Variants in OR2L13 observed in about 807,000 individuals in gnomAD.
OR2L13 encodes the protein olfactory receptor family 2 subfamily L member 13.
A neutral mutation model predicts 15.3 loss-of-function variants in OR2L13; 14 were observed. That is an observed-to-expected ratio of 0.91 (90% CI 0.60 to 1.43). OR2L13 has a LOEUF of 1.43. Ranked by LOEUF, OR2L13 falls within the 40% of genes most tolerant of loss-of-function variation. The probability of loss-of-function intolerance (pLI) is 0.00; values close to 1 mark genes in which losing one functional copy is unlikely to be tolerated. For missense variants in OR2L13, 367 were observed against 387.9 expected, an observed-to-expected ratio of 0.95 and a Z score of 0.45; for synonymous variants, 152 against 142.9, an observed-to-expected ratio of 1.06 and a Z score of -0.45.
At chr1:248,060,475 G>A in the OR2L13 span, among the ~76,000 whole-genome samples, 1 of 152,104 alleles carries the variant, frequency 6.6e-6, no homozygotes, top group Admixed American at 6.5e-5. Context: ...AGTTACTCTT[G>A]TTTATCTCTT....
intron 1 of OR2L13, among the ~76,000 whole-genome samples, 187 bp from the exon 2 acceptor site, chr1:248,098,464 G>T (rs990494498): frequency 3.9e-5 from 6 of 152,116 alleles, no homozygotes; most frequent in African/African-American, 1.4e-4. Context: ...CACCTGTCAT[G>T]TTCCCAACTT....
At chr1:248,056,080 G>A in the OR2L13 span, among the ~76,000 whole-genome samples, 2 of 152,174 alleles carry the variant, frequency 1.3e-5, no homozygotes, top group Admixed American at 1.3e-4. Flanking sequence ...AGTATTCTCT[G>A]TTGGTTGTTT....
the OR2L13 span, among the ~76,000 whole-genome samples, chr1:248,052,407 T>G: frequency 0.032 from 4,869 of 152,258 alleles, 237 homozygotes; most frequent in African/African-American, 0.11. Flanking sequence ...TTGTTTTGAT[T>G]ACTATAGCTT....
chr1:247,965,428 T>A, the OR2L13 span: 4 of 1,613,522 alleles, frequency 2.5e-6, no homozygotes, highest in African/African-American at 2.7e-5. Flanking sequence ...TGTTGGTCTT[T>A]TCCAATATGG....
the OR2L13 span, chr1:248,038,837 C>T: frequency 1.4e-5 from 23 of 1,614,162 alleles, no homozygotes; most frequent in East Asian, 3.1e-4. Flanking sequence ...CCTGCACAGA[C>T]ACTTGGGTCT....
At chr1:247,977,300 C>T in the OR2L13 span, among the ~76,000 whole-genome samples, 1 of 152,176 alleles carries the variant, frequency 6.6e-6, no homozygotes, top group Admixed American at 6.6e-5. Context: ...AGTTTTGTGT[C>T]TCAGTGTGAA....
the OR2L13 span, among the ~76,000 whole-genome samples, chr1:248,071,050 A>G: frequency 6.6e-6 from 1 of 152,136 alleles, no homozygotes; most frequent in Non-Finnish European, 1.5e-5. Flanking sequence ...CAGAGGTACA[A>G]GGAGGAACTG....
chr1:247,979,278 A>G, the OR2L13 span, among the ~76,000 whole-genome samples: 1 of 152,100 alleles, frequency 6.6e-6, no homozygotes, highest in South Asian at 2.1e-4. Context: ...TGTCATTTAC[A>G]TTAGGTATTT....
the OR2L13 span, among the ~76,000 whole-genome samples, chr1:247,989,805 A>T: frequency 6.6e-6 from 1 of 152,156 alleles, no homozygotes; most frequent in Non-Finnish European, 1.5e-5. Flanking sequence ...TTGCATGGAA[A>T]ATTCCACAAA....
the OR2L13 span, among the ~76,000 whole-genome samples, chr1:248,018,148 A>G: frequency 6.8e-6 from 1 of 146,932 alleles, no homozygotes; most frequent in Non-Finnish European, 1.5e-5. Context: ...GAGCGACTCC[A>G]TCTCAAAAAA....
chr1:248,071,422 A>T, the OR2L13 span, among the ~76,000 whole-genome samples: 1 of 152,188 alleles, frequency 6.6e-6, no homozygotes, highest in Non-Finnish European at 1.5e-5. Context: ...GACAAAATTC[A>T]ACAACTCTTC....
At chr1:248,053,491 A>C in the OR2L13 span, among the ~76,000 whole-genome samples, 1 of 152,230 alleles carries the variant, frequency 6.6e-6, no homozygotes, top group African/African-American at 2.4e-5. Context: ...TGCCGGATCA[A>C]ATGGTATTTC....
At chr1:248,036,693 G>A in the OR2L13 span, among the ~76,000 whole-genome samples, 9 of 152,240 alleles carry the variant, frequency 5.9e-5, 1 homozygote, top group South Asian at 1.9e-3. Flanking sequence ...GTCCAGTGAT[G>A]TCTTCTATCT....
At chr1:248,044,818 A>AC in the OR2L13 span, among the ~76,000 whole-genome samples, 1 of 147,958 alleles carries the variant, frequency 6.8e-6, no homozygotes, top group Non-Finnish European at 1.5e-5. Flanking sequence ...TCAAAAAAAA[A>AC]AAAAAAAAAA....
At chr1:248,033,951 C>A in the OR2L13 span, among the ~76,000 whole-genome samples, 1 of 152,116 alleles carries the variant, frequency 6.6e-6, no homozygotes, top group African/African-American at 2.4e-5. Flanking sequence ...TCCCTCTTTG[C>A]TTATAATATG....
the OR2L13 span, among the ~76,000 whole-genome samples, chr1:248,011,929 G>A: frequency 1.3e-5 from 2 of 152,084 alleles, no homozygotes; most frequent in Non-Finnish European, 2.9e-5. Context: ...CCTGAGTCTT[G>A]TATCTTTGGG....
At chr1:248,038,348 C>A in the OR2L13 span, 1 of 1,613,242 alleles carries the variant, frequency 6.2e-7, no homozygotes, top group Non-Finnish European at 8.5e-7. Flanking sequence ...TTTTCGTATT[C>A]ACCCTCATTT....
At chr1:248,065,525 C>T in the OR2L13 span, among the ~76,000 whole-genome samples, 1 of 151,236 alleles carries the variant, frequency 6.6e-6, no homozygotes, top group South Asian at 2.1e-4. Context: ...TGCTGGTGCG[C>T]TGCACCCACT....
upstream of OR2L13, chr1:248,095,271 A>G (rs541999324): frequency 5.3e-5 from 8 of 152,244 alleles, no homozygotes; most frequent in Non-Finnish European, 7.3e-5. Flanking sequence ...GGAAAGGAAG[A>G]GACTTTATCT....
Sources: allele counts gnomAD v4.1 joint callset (sites outside exome capture counted in the v4.1 genomes callset), GRCh38; gene constraint gnomAD v4.1.1; transcripts MANE v1.5; gene names NCBI Gene and HGNC (gene_info 2026-07-23, HGNC 2026-07-21).